The following ANKRD36 variants were observed in gnomAD, a reference collection of about 807,000 sequenced individuals.
The protein encoded by ANKRD36 is ankyrin repeat domain 36.
ANKRD36 carries 179 observed loss-of-function variants against 278.1 expected under a neutral mutation model. The observed-to-expected ratio is 0.64, with a 90% CI of 0.57 to 0.73. The LOEUF (loss-of-function observed/expected upper bound fraction) is 0.73. ANKRD36 is among the 30% of genes least tolerant of loss of function. ANKRD36 has a pLI of 0.00. For synonymous variants in ANKRD36, 320 were observed against 641.1 expected (o/e 0.50, Z 7.57); for missense variants, 1,159 against 1,956.7 (o/e 0.59, Z 7.69).
intron 46 of ANKRD36, among the ~76,000 whole-genome samples, chr2:97,201,595 T>C (rs2061392609): frequency 6.6e-6 from 1 of 151,932 alleles, no homozygotes; most frequent in African/African-American, 2.4e-5. Context: ...TACAAGAAGC[T>C]TATGCAAATT....
At chr2:97,192,456 G>A in intron 36 of ANKRD36, among the ~76,000 whole-genome samples, 1 of 151,672 alleles carries the variant, frequency 6.6e-6, no homozygotes, top group East Asian at 2.0e-4. Flanking sequence ...GTAGTATAAT[G>A]GTGTAAATCC....
chr2:97,189,128 T>G lies in ANKRD36; in HGVS notation c.2172+13T>G, dbSNP rs753549028. On this transcript the variant is annotated intron_variant, in intron 33 of 75. Coordinates refer to ENST00000420699, the MANE Select transcript of ANKRD36 (RefSeq NM_001354587.1). ...ACCAGCCTTGAAGGTAATTAAACTCTCGTTTACATTGTGAACTAGTAATTC... is the reference window on the plus strand; with the variant it reads ...ACCAGCCTTGAAGGTAATTAAACTCGCGTTTACATTGTGAACTAGTAATTC... 6.9e-5 allele frequency: 52 copies of G among 758,504 alleles called. 11 individuals carry two copies. The Admixed American group carries it at 1.1e-3, about 17-fold the overall frequency. 47.0% of individuals were successfully genotyped at this position (758,504 alleles called of 1,614,324 possible). A position where few individuals can be genotyped will look rare whatever the true frequency, so the allele number is the denominator to read the frequency against.
intron 1 of ANKRD36, among the ~76,000 whole-genome samples, chr2:97,117,323 C>T (rs1040113376): frequency 5.3e-5 from 8 of 151,796 alleles, no homozygotes; most frequent in African/African-American, 1.9e-4. Flanking sequence ...TCTTTTTCCA[C>T]AGTACTTTAT....
chr2:97,200,062 TC>T (rs1458941424), intron 44 of ANKRD36, among the ~76,000 whole-genome samples: 2 of 151,866 alleles, frequency 1.3e-5, no homozygotes, highest in Non-Finnish European at 2.9e-5. Flanking sequence ...ACTCGGCATA[TC>T]CACATTGAGA....
chr2:97,226,334 G>A (rs1203439912), intron 67 of ANKRD36, among the ~76,000 whole-genome samples: 2 of 151,984 alleles, frequency 1.3e-5, no homozygotes, highest in African/African-American at 2.4e-5. Context: ...GTGTGAGATG[G>A]TATCTCATTG....
At position 97,192,978 on chromosome 2, in the gene ANKRD36, C is replaced by T. The variant is rs779519857; in HGVS notation, c.2377-3C>T. On this transcript the variant is annotated splice_region_variant and splice_polypyrimidine_tract_variant and intron_variant, in intron 37 of 75. Transcript: ENST00000420699. ...TTATTATTTCATTTGAAATTCCATTCAGGCTACAAGTGACGAGGAAGGTTC... is the reference window on the plus strand; with the variant it reads ...TTATTATTTCATTTGAAATTCCATTTAGGCTACAAGTGACGAGGAAGGTTC... The T allele has an allele frequency of 1.5e-5, 24 of 1,583,530 alleles. No homozygotes were observed. The highest frequency in any genetic ancestry group is 1.7e-5 in the Non-Finnish European group (20 of 1,164,984).
intron 56 of ANKRD36, among the ~76,000 whole-genome samples, chr2:97,210,502 A>G (rs148977294): frequency 3.0e-3 from 450 of 151,982 alleles, no homozygotes; most frequent in Non-Finnish European, 5.4e-3. Flanking sequence ...TAATTGGAAT[A>G]CACCACACTG....
At chr2:97,228,300 G>C (rs2070653185) in intron 67 of ANKRD36, among the ~76,000 whole-genome samples, 1 of 152,070 alleles carries the variant, frequency 6.6e-6, no homozygotes, top group South Asian at 2.1e-4. Context: ...ATTGATTATT[G>C]CCACAATTTC....
chr2:97,150,289 G>T (rs576356195), intron 12 of ANKRD36, among the ~76,000 whole-genome samples: 2 of 151,878 alleles, frequency 1.3e-5, no homozygotes, highest in South Asian at 2.1e-4. Flanking sequence ...TCCACTCAGG[G>T]TCTTTGTATG....
chr2:97,196,824 C>T (rs750729781), intron 42 of ANKRD36, 36 bp downstream of exon 42: 4 of 1,542,880 alleles, frequency 2.6e-6, no homozygotes, highest in Admixed American at 2.0e-5. Flanking sequence ...CATGTTCAGT[C>T]CAGATAGATA....
chr2:97,185,823 AAGG>A (rs1334049862), intron 30 of ANKRD36, among the ~76,000 whole-genome samples: 1 of 151,760 alleles, frequency 6.6e-6, no homozygotes, highest in Non-Finnish European at 1.5e-5. Context: ...CCAAGGGTGG[AAGG>A]AGAATGAGTT....
At chr2:97,155,189 C>T (rs2047156022) in intron 15 of ANKRD36, among the ~76,000 whole-genome samples, 1 of 141,410 alleles carries the variant, frequency 7.1e-6, no homozygotes, top group South Asian at 2.1e-4. Context: ...CCCTGTTACA[C>T]ATAGCATATA....
intron 6 of ANKRD36, among the ~76,000 whole-genome samples, chr2:97,130,332 A>G (rs1187837019): frequency 2.6e-5 from 4 of 151,924 alleles, no homozygotes; most frequent in African/African-American, 9.6e-5. Flanking sequence ...CACTCTCAGC[A>G]AACTATGGCA....
At chr2:97,191,794 A>T (rs2058575478) in intron 36 of ANKRD36, among the ~76,000 whole-genome samples, 1 of 151,692 alleles carries the variant, frequency 6.6e-6, no homozygotes, top group African/African-American at 2.4e-5. Flanking sequence ...GGAAGTGGGA[A>T]ACAATGCTAG....
intron 3 of ANKRD36, among the ~76,000 whole-genome samples, chr2:97,121,083 A>G (rs1221596215): frequency 6.6e-6 from 1 of 152,056 alleles, no homozygotes; most frequent in Non-Finnish European, 1.5e-5. Flanking sequence ...AATATATTTT[A>G]GTAAATATTT....
intron 17 of ANKRD36, among the ~76,000 whole-genome samples, chr2:97,161,410 C>T (rs571023717): frequency 6.6e-6 from 1 of 152,028 alleles, no homozygotes; most frequent in Non-Finnish European, 1.5e-5. Flanking sequence ...ATACCTTTAA[C>T]CATTTCTCAT....
chr2:97,135,673 G>C (rs912612554), intron 6 of ANKRD36, among the ~76,000 whole-genome samples: 6 of 151,350 alleles, frequency 4.0e-5, no homozygotes, highest in African/African-American at 1.5e-4. Context: ...TGGATGTTAG[G>C]TACAGATTAT....
chr2:97,200,330 T>C lies in ANKRD36; in HGVS notation c.2756-4T>C. The C allele has an allele frequency of 6.2e-7, 1 of 1,607,368 alleles. No homozygotes were observed. The stretch of plus-strand genomic sequence containing the variant: ...AGTGATTATGTATCCCTTTTGCTTT[T>C]CAGTGTCTTCTCGGAAAAAACCATC... On this transcript the variant is annotated splice_polypyrimidine_tract_variant and splice_region_variant and intron_variant, in intron 44 of 75. Transcript: ENST00000420699.
rs2923961 is a variant in ANKRD36 at position 97,130,876 on chromosome 2, G to A, written c.799+3742G>A. ...TTTCTTTTAAGAGAATTAGCTACCTGTTCTAAAGTATATCTGGTATTCTAT... is the reference window on the plus strand; with the variant it reads ...TTTCTTTTAAGAGAATTAGCTACCTATTCTAAAGTATATCTGGTATTCTAT... On this transcript the variant is annotated intron_variant, in intron 6 of 75. Coordinates refer to ENST00000420699, the MANE Select transcript of ANKRD36 (RefSeq NM_001354587.1). Among the ~76,000 whole-genome samples, 5 of 152,118 alleles carry A rather than the reference G, an allele frequency of 3.3e-5. No individual in the cohort carries two copies. The South Asian group carries it at 8.4e-4, about 25-fold the overall frequency.
Sources: allele counts gnomAD v4.1 joint callset (sites outside exome capture counted in the v4.1 genomes callset), GRCh38; gene constraint gnomAD v4.1.1; transcripts MANE v1.5; gene names NCBI Gene and HGNC (gene_info 2026-07-23, HGNC 2026-07-21).